DDC: variants seen among roughly 807,000 people sequenced by gnomAD.
DDC encodes the protein dopa decarboxylase.
Under a neutral mutation model 60.0 loss-of-function variants are expected in DDC, and 43 were observed. The ratio of observed to expected loss-of-function variants is 0.72; its 90% CI spans 0.56 to 0.92. The LOEUF (loss-of-function observed/expected upper bound fraction) is 0.92, where lower values mean the gene tolerates loss of function less well. Ranked by LOEUF, DDC falls within the 40% of genes least tolerant of loss-of-function variation. The probability of loss-of-function intolerance (pLI) is 0.00; values close to 1 mark genes in which losing one functional copy is unlikely to be tolerated. For missense variants in DDC, 573 were observed against 620.2 expected (o/e 0.92, Z 0.81); for synonymous variants, 232 against 234.6 (o/e 0.99, Z 0.10).
At chr7:50,499,354 T>G in intron 7 of DDC, 112 bp from the exon 8 acceptor site, 2 of 736,846 alleles carry the variant, frequency 2.7e-6, no homozygotes, top group Non-Finnish European at 4.8e-6. Flanking sequence ...CCAACAGTAT[T>G]TGCTGAACTA....
chr7:50,496,363 A>G (rs189979384), intron 8 of DDC, among the ~76,000 whole-genome samples: 2 of 152,164 alleles, frequency 1.3e-5, no homozygotes, highest in Non-Finnish European at 2.9e-5. Context: ...TACTGGGATT[A>G]CAGGTGTGAG....
At chr7:50,459,890 A>T (rs1327744302) in intron 14 of DDC, among the ~76,000 whole-genome samples, 6 of 132,604 alleles carry the variant, frequency 4.5e-5, no homozygotes, top group Non-Finnish European at 9.4e-5. Flanking sequence ...TGGGGGGGTC[A>T]GCCCCCCGCC....
intron 9 of DDC, chr7:50,492,677 CA>C: frequency 9.6e-7 from 1 of 1,038,494 alleles, no homozygotes; most frequent in South Asian, 2.2e-5. Flanking sequence ...ATTCCTTCTA[CA>C]AGGAAATTTT....
intron 14 of DDC, among the ~76,000 whole-genome samples, chr7:50,461,189 TAAATA>T: frequency 6.6e-6 from 1 of 152,338 alleles, no homozygotes; most frequent in African/African-American, 2.4e-5. Flanking sequence ...AGTTTGAACT[TAAATA>T]AAGGAATTTT....
chr7:50,542,026 G>A (rs2044648873), intron 2 of DDC, among the ~76,000 whole-genome samples: 1 of 152,138 alleles, frequency 6.6e-6, no homozygotes, highest in African/African-American at 2.4e-5. Flanking sequence ...GGAGGTTGGT[G>A]ATGAGGCTGA....
At chr7:50,535,410 G>A (rs181228625) in intron 4 of DDC, among the ~76,000 whole-genome samples, 1 of 152,344 alleles carries the variant, frequency 6.6e-6, no homozygotes. Flanking sequence ...GCCTCACAAA[G>A]TGCTGGGATT....
intron 9 of DDC, among the ~76,000 whole-genome samples, chr7:50,489,173 A>T (rs1313964069): frequency 6.6e-6 from 1 of 152,006 alleles, no homozygotes; most frequent in Non-Finnish European, 1.5e-5. Flanking sequence ...CACCTGGCTA[A>T]TTTTTGTATT....
chr7:50,469,188 C>T (rs1218073936), intron 12 of DDC, among the ~76,000 whole-genome samples: 1 of 149,422 alleles, frequency 6.7e-6, no homozygotes, highest in African/African-American at 2.5e-5. Flanking sequence ...TCATGATCTG[C>T]CCACCTCGGC....
At chr7:50,467,732 T>C (rs1025657727) in intron 12 of DDC, among the ~76,000 whole-genome samples, 5 of 152,274 alleles carry the variant, frequency 3.3e-5, no homozygotes, top group African/African-American at 1.2e-4. Context: ...ACAGAAGATA[T>C]CATGATTATC....
chr7:50,537,344 CCA>C (rs974965051), intron 4 of DDC, among the ~76,000 whole-genome samples: 13 of 152,358 alleles, frequency 8.5e-5, no homozygotes, highest in African/African-American at 3.1e-4. Flanking sequence ...GGGCTCTGAG[CCA>C]CACAGAGTCT....
intron 9 of DDC, chr7:50,492,814 G>GGAA (rs1384227550): frequency 2.4e-5 from 36 of 1,501,536 alleles, no homozygotes; most frequent in Non-Finnish European, 3.2e-5. Flanking sequence ...CGAGCGCCGG[G>GGAA]GAAGAGTTGT....
chr7:50,525,522 G>T (rs553646738), intron 6 of DDC, among the ~76,000 whole-genome samples: 1 of 152,264 alleles, frequency 6.6e-6, no homozygotes, highest in Non-Finnish European at 1.5e-5. Context: ...CCAGCACTTT[G>T]GAAGGCCGAG....
chr7:50,535,392 C>T (rs1437976337), intron 4 of DDC, among the ~76,000 whole-genome samples: 1 of 152,242 alleles, frequency 6.6e-6, no homozygotes, highest in East Asian at 1.9e-4. Context: ...GGTGATCTGC[C>T]TGCCTTGGCC....
intron 14 of DDC, among the ~76,000 whole-genome samples, chr7:50,459,994 C>T (rs1429113403): frequency 5.5e-5 from 8 of 145,770 alleles, no homozygotes; most frequent in Non-Finnish European, 1.2e-4. Context: ...CTCTGCCCGG[C>T]TGCCCCTACT....
At position 50,553,635 on chromosome 7, in the gene DDC, C is replaced by T. The variant is rs190607463; in HGVS notation, c.-28-9522G>A. ...CTGAGTAGGTGGGACTACAGGTGTG[C>T]GTCACCACACCTGGCTAATTTTTGT... On this transcript the variant is annotated intron_variant, in intron 1 of 14. Transcript: ENST00000444124. Among the ~76,000 whole-genome samples, 542 of 151,838 alleles carry T rather than the reference C, an allele frequency of 3.6e-3. 5 individuals are homozygous for T. The highest frequency in any genetic ancestry group is 0.012 in the African/African-American group (500 of 41,420).
chr7:50,510,228 G>A (rs1271441352), intron 6 of DDC, among the ~76,000 whole-genome samples: 4 of 151,876 alleles, frequency 2.6e-5, no homozygotes, highest in Non-Finnish European at 1.5e-5. Flanking sequence ...GCCCACCTTG[G>A]CCTCCCAAAG....
chr7:50,464,996 T>A (rs2153533318), intron 13 of DDC, among the ~76,000 whole-genome samples: 1 of 152,274 alleles, frequency 6.6e-6, no homozygotes, highest in South Asian at 2.1e-4. Flanking sequence ...AAAGGAAACA[T>A]TTGTCAGCTG....
At chr7:50,504,694 G>A (rs1344005383) in intron 6 of DDC, among the ~76,000 whole-genome samples, 1 of 151,992 alleles carries the variant, frequency 6.6e-6, no homozygotes, top group Non-Finnish European at 1.5e-5. Flanking sequence ...CTAGTTTGGG[G>A]GGGTGTGTGT....
rs185358563 is a variant in DDC at position 50,483,132 on chromosome 7, T to C, written c.945-3269A>G. ...TAATATTTCACCATTAAGTAAAGGT[T>C]CACTATGTTTTTTGGTAGTTACCTT... is the stretch of plus-strand genomic sequence containing the variant. On this transcript the variant is annotated intron_variant, in intron 9 of 14. Coordinates refer to ENST00000444124, the MANE Select transcript of DDC (RefSeq NM_001082971.2). Among the ~76,000 whole-genome samples, 268 of 152,350 alleles carry C rather than the reference T, an allele frequency of 1.8e-3. 4 individuals carry two copies. The highest frequency in any genetic ancestry group is 6.8e-3 in the Middle Eastern group (2 of 294).
Sources: gnomAD v4.1 joint callset for allele counts (sites outside exome capture counted in the v4.1 genomes callset) on GRCh38, gnomAD v4.1.1 for gene constraint, MANE v1.5 for transcripts, NCBI Gene and HGNC (gene_info 2026-07-23, HGNC 2026-07-21) for gene names.